Variants in SYTL2 observed in about 807,000 individuals in gnomAD.
The protein encoded by SYTL2 is synaptotagmin like 2, also known as synaptotagmin-like protein 2.
Under a neutral mutation model 198.7 loss-of-function variants are expected in SYTL2, and 165 were observed. The ratio of observed to expected loss-of-function variants is 0.83; its 90% CI spans 0.73 to 0.94. The LOEUF is 0.94. Among genes scored for constraint, SYTL2 ranks in the 40% least tolerant of loss-of-function variants. The pLI is 0.00. For synonymous variants in SYTL2, 966 were observed against 917.7 expected (o/e 1.05, Z -0.95); for missense variants, 2,835 against 2,582.8 (o/e 1.10, Z -2.12).
chr11:85,734,515 C>A lies in SYTL2; in HGVS notation c.814G>T (p.Gly272Trp). ...GAACTGGAGTTGCGCTTGAGGATCCCTCTCGGAGCCCCTCTCGCTTTCAGG... is the reference window on the plus strand; with the variant it reads ...GAACTGGAGTTGCGCTTGAGGATCCATCTCGGAGCCCCTCTCGCTTTCAGG... ...DSLKARGAPR[G>W]ILKRNSSSSS... is the part of the protein sequence containing the mutation. Residue 272 changes from glycine to tryptophan, a missense_variant, in exon 7 of 20, where the codon GGG (glycine) becomes TGG (tryptophan). Gly to Trp is a radical substitution (Grantham distance 184). Coordinates refer to ENST00000359152, the MANE Select transcript of SYTL2 (RefSeq NM_206927.4). 6.2e-7 allele frequency: 1 copy of A among 1,614,202 alleles called. No homozygotes were observed. The highest frequency in any genetic ancestry group is 8.5e-7 in the Non-Finnish European group (1 of 1,180,022).
intron 1 of SYTL2, among the ~76,000 whole-genome samples, chr11:85,771,890 A>G (rs947675224): frequency 2.0e-5 from 3 of 150,834 alleles, no homozygotes; most frequent in Non-Finnish European, 4.4e-5. Context: ...AATATTATAT[A>G]TAATTATAGT....
chr11:85,838,945 T>C, the SYTL2 span, among the ~76,000 whole-genome samples: 1 of 152,350 alleles, frequency 6.6e-6, no homozygotes, highest in East Asian at 1.9e-4. Context: ...GATCTCACTA[T>C]GTTGCCAAGG....
chr11:85,798,357 TCAC>T (rs1202930025), intron 1 of SYTL2, among the ~76,000 whole-genome samples: 1 of 152,212 alleles, frequency 6.6e-6, no homozygotes, highest in Non-Finnish European at 1.5e-5. Flanking sequence ...AGCACCTTCT[TCAC>T]ATGCCTAAAT....
At chr11:85,764,515 C>A (rs1460636219) in intron 1 of SYTL2, among the ~76,000 whole-genome samples, 1 of 152,322 alleles carries the variant, frequency 6.6e-6, no homozygotes, top group East Asian at 1.9e-4. Context: ...CACTAATCCC[C>A]TACTTCTCAG....
chr11:85,780,002 T>A (rs1395344686), intron 1 of SYTL2, among the ~76,000 whole-genome samples: 2 of 152,270 alleles, frequency 1.3e-5, no homozygotes, highest in South Asian at 4.1e-4. Context: ...ATCTGCAAAG[T>A]GAGGGAACTA....
intron 11 of SYTL2, chr11:85,714,731 A>C (rs1472413383): frequency 9.5e-6 from 11 of 1,161,032 alleles, no homozygotes; most frequent in African/African-American, 1.6e-5. Context: ...AATACAAAAC[A>C]AAGTTAATTT....
At chr11:85,833,035 G>T in the SYTL2 span, among the ~76,000 whole-genome samples, 3 of 18,982 alleles carry the variant, frequency 1.6e-4, no homozygotes, top group African/African-American at 8.3e-4. Context: ...AAGAAAGAAA[G>T]AAAGAAAGAA....
chr11:85,740,821 C>T (rs572924479), intron 4 of SYTL2, among the ~76,000 whole-genome samples: 1 of 152,154 alleles, frequency 6.6e-6, no homozygotes, highest in Admixed American at 6.5e-5. Flanking sequence ...GGGTGCCCCT[C>T]CTAAAAGCAT....
chr11:85,799,489 G>A (rs547208272), intron 1 of SYTL2, among the ~76,000 whole-genome samples: 1 of 152,276 alleles, frequency 6.6e-6, no homozygotes, highest in African/African-American at 2.4e-5. Flanking sequence ...GGGTTAGGAA[G>A]AGCTCAACAA....
At chr11:85,761,854 T>C (rs1224325202) in intron 1 of SYTL2, among the ~76,000 whole-genome samples, 1 of 152,178 alleles carries the variant, frequency 6.6e-6, no homozygotes, top group Non-Finnish European at 1.5e-5. Flanking sequence ...AGTTGCAGCT[T>C]TGCCACGTTG....
intron 7 of SYTL2, 104 bp downstream of exon 7, chr11:85,733,835 A>G (rs1227224041): frequency 5.9e-6 from 5 of 846,128 alleles, no homozygotes; most frequent in Non-Finnish European, 7.5e-6. Flanking sequence ...TCCTGACCTC[A>G]TGATCCACCC....
chr11:85,739,734 T>C (rs1028384993), intron 4 of SYTL2, among the ~76,000 whole-genome samples: 1 of 152,142 alleles, frequency 6.6e-6, no homozygotes, highest in Non-Finnish European at 1.5e-5. Flanking sequence ...AAAACTGAGG[T>C]TCACAGAGGT....
intron 8 of SYTL2, among the ~76,000 whole-genome samples, chr11:85,721,350 G>A (rs11234389): frequency 0.12 from 17,553 of 152,000 alleles, 1,335 homozygotes; most frequent in African/African-American, 0.21. Flanking sequence ...ATTCAAAACC[G>A]TGGAAGGCAG....
At chr11:85,697,231 G>T (rs1454019718) in intron 18 of SYTL2, among the ~76,000 whole-genome samples, 1 of 152,076 alleles carries the variant, frequency 6.6e-6, no homozygotes, top group African/African-American at 2.4e-5. Context: ...ATAGAGAAGG[G>T]GTTTGGCTAT....
Position 85,734,710 on chromosome 11 carries a change from C to T in SYTL2, c.619G>A (p.Val207Ile), listed in dbSNP as rs2090164560. The change falls in exon 7 of 20, where the codon GTC (valine) becomes ATC (isoleucine). Residue 207 changes from valine to isoleucine, a missense_variant. By Grantham distance (29) the Val-to-Ile change is conservative. Transcript: ENST00000359152. ...ELSESKEKST[V>I]ADTSIQKLEK... Reference sequence around the variant, plus strand: ...AACTTTTGGATTGAAGTATCTGCGACAGTTGACTTTTCTTTTGACTCTGAC... The same window carrying T: ...AACTTTTGGATTGAAGTATCTGCGATAGTTGACTTTTCTTTTGACTCTGAC... The T allele has an allele frequency of 6.2e-7, 1 of 1,613,202 alleles. No homozygotes were observed. Among genetic ancestry groups the T allele is most frequent in the African/African-American group, 1.3e-5 (1 of 74,834 alleles).
At chr11:85,738,051 TTC>T (rs2090495359) in intron 4 of SYTL2, among the ~76,000 whole-genome samples, 1 of 152,210 alleles carries the variant, frequency 6.6e-6, no homozygotes. Context: ...CCACCACCAG[TTC>T]TCTCAGTGGC....
At chr11:85,794,432 G>A (rs1036651481) in intron 1 of SYTL2, among the ~76,000 whole-genome samples, 88 of 152,242 alleles carry the variant, frequency 5.8e-4, no homozygotes, top group African/African-American at 2.0e-3. Context: ...TCACACCTCA[G>A]CCTCCCAAAG....
Position 85,724,761 on chromosome 11 carries a change from C to T in SYTL2, c.4597G>A (p.Glu1533Lys). ...LSPSKLIGST[E>K]EPRRATSECH... ...TCAGAAGTGGCTCGCCTGGGCTCCTCTGTACTACCTATTAACTTTGATGGA... is the reference window on the plus strand; with the variant it reads ...TCAGAAGTGGCTCGCCTGGGCTCCTTTGTACTACCTATTAACTTTGATGGA... The change falls in exon 8 of 20, where the codon GAG becomes AAG. Residue 1533 changes from glutamate (E) to lysine (K), a missense_variant. By Grantham distance (56) the Glu-to-Lys change is moderately conservative (BLOSUM62 1). Around this residue, in one of 3 missense-constraint regions of SYTL2, gnomAD observed 2,645 missense variants for 2,381.7 expected, o/e 1.11. Coordinates refer to ENST00000359152, the MANE Select transcript of SYTL2 (RefSeq NM_206927.4). 1 of 1,612,978 alleles carries T rather than the reference C, an allele frequency of 6.2e-7. No individual in the cohort carries two copies. Among genetic ancestry groups the T allele is most frequent in the Admixed American group, 1.7e-5 (1 of 59,778 alleles).
the SYTL2 span, among the ~76,000 whole-genome samples, chr11:85,830,491 G>C: frequency 1.3e-5 from 2 of 152,154 alleles, no homozygotes; most frequent in African/African-American, 4.8e-5. Flanking sequence ...TTATGCTCCA[G>C]ACATATCCCC....
Sources: gnomAD v4.1 joint callset for allele counts (sites outside exome capture counted in the v4.1 genomes callset) on GRCh38, gnomAD v4.1.1 for gene constraint, gnomAD v4.1.1 regional missense constraint, MANE v1.5 for transcripts, NCBI Gene and HGNC (gene_info 2026-07-23, HGNC 2026-07-21) for gene names.